Variants in SEPTIN12 observed in about 807,000 individuals in gnomAD.
The protein encoded by SEPTIN12 is septin 12, also known as septin-12.
In SEPTIN12, 42 loss-of-function variants were observed where a neutral mutation model predicts 37.7. The observed-to-expected ratio is 1.11, with a 90% confidence interval of 0.87 to 1.44. SEPTIN12 has a LOEUF of 1.44. SEPTIN12 is among the 40% of genes most tolerant of loss of function. SEPTIN12 has a pLI of 0.00. For missense variants in SEPTIN12, 613 were observed against 479.2 expected (o/e 1.28, Z -2.61); for synonymous variants, 254 against 196.7 (o/e 1.29, Z -2.44).
rs774035898 is a variant in SEPTIN12, at chr16:4,783,654, G to T, written c.625C>A (p.Arg209Ser). The T allele has an allele frequency of 8.1e-6, 13 of 1,613,588 alleles. No homozygotes were observed. The African/African-American group carries it at 1.1e-4, about 13-fold the overall frequency. Residue 209 changes from arginine (R) to serine (S), a missense_variant, in exon 6 of 10, where the codon CGC becomes AGC. Physicochemically the swap from Arg to Ser is moderately radical, Grantham distance 110 (BLOSUM62 -1). Coordinates refer to ENST00000268231, the MANE Select transcript of SEPTIN12 (RefSeq NM_144605.5). ...LTMEEREAFRRRIQQNLRTHC... is the reference protein window; with the variant it reads ...LTMEEREAFRSRIQQNLRTHC... ...TGCCCGGGCATCCAGATCACCCTGCGCCTGAAGGCCTCTCGCTCCTCCATG... is the reference window on the plus strand; with the variant it reads ...TGCCCGGGCATCCAGATCACCCTGCTCCTGAAGGCCTCTCGCTCCTCCATG...
Position 4,778,157 on chromosome 16 carries a change from G to C in SEPTIN12, c.824-20C>G. On this transcript the variant is annotated intron_variant, in intron 8 of 9. Transcript: ENST00000268231. ...TCTCCACTGCAAGACATGGGACTCA[G>C]TATGGGCGCTGCTTAGTGAGCACTG... 2 of 1,613,982 alleles carry C rather than the reference G, an allele frequency of 1.2e-6. No homozygotes were observed. Among genetic ancestry groups the C allele is most frequent in the Non-Finnish European group, 1.7e-6 (2 of 1,179,856 alleles).
rs1450187847 is a variant in SEPTIN12, at chr16:4,777,795, G to A, written c.*2C>T. The A allele has an allele frequency of 1.3e-6, 2 of 1,541,448 alleles. No homozygotes were observed. Among genetic ancestry groups the A allele is most frequent in the African/African-American group, 1.4e-5 (1 of 73,520 alleles). ...CCCAGCAGCCCCGGGATCCGCCGGT[G>A]GTCAGAACTCATCATCAGAATCGTC... On this transcript the variant is annotated 3_prime_UTR_variant, in exon 10 of 10. Coordinates refer to ENST00000268231, the MANE Select transcript of SEPTIN12 (RefSeq NM_144605.5).
intron 7 of SEPTIN12, among the ~76,000 whole-genome samples, chr16:4,783,118 A>AG (rs2082390458): frequency 6.6e-6 from 1 of 152,082 alleles, no homozygotes. Context: ...CATGTTGGCC[A>AG]GGCTGGTCTC....
chr16:4,779,160 A>G (rs1300954582), intron 8 of SEPTIN12, among the ~76,000 whole-genome samples: 2 of 152,112 alleles, frequency 1.3e-5, no homozygotes, highest in Non-Finnish European at 2.9e-5. Flanking sequence ...ATAAAAAATA[A>G]TAATAATACA....
Position 4,778,008 on chromosome 16 carries a change from C to G in SEPTIN12, c.876-10G>C. On this transcript the variant is annotated splice_polypyrimidine_tract_variant and intron_variant, in intron 9 of 9. Coordinates refer to ENST00000268231, the MANE Select transcript of SEPTIN12 (RefSeq NM_144605.5). Reference sequence around the variant, plus strand: ...GTCTTGGAGGTGGGAGCTGGGGGACCGGAGACGGTCAGCCCCGATGGTGGT... The same window carrying G: ...GTCTTGGAGGTGGGAGCTGGGGGACGGGAGACGGTCAGCCCCGATGGTGGT... 6.2e-7 allele frequency: 1 copy of G among 1,611,968 alleles called. No homozygotes were observed. Among genetic ancestry groups the G allele is most frequent in the Non-Finnish European group, 8.5e-7 (1 of 1,178,978 alleles).
intron 7 of SEPTIN12, among the ~76,000 whole-genome samples, chr16:4,781,982 A>C (rs2082377324): frequency 2.1e-5 from 2 of 95,124 alleles, no homozygotes; most frequent in Admixed American, 3.3e-4. Context: ...ACAGGGTCTC[A>C]CTCCCTTGCC....
At chr16:4,784,838 G>A (rs1003628470) in intron 4 of SEPTIN12, among the ~76,000 whole-genome samples, 4 of 152,000 alleles carry the variant, frequency 2.6e-5, no homozygotes, top group African/African-American at 9.7e-5. Flanking sequence ...GGCCAGGTGC[G>A]GTGGCTTATG....
intron 1 of SEPTIN12, 48 bp from the exon 2 acceptor site, chr16:4,787,715 G>C (rs2082481490): frequency 3.8e-6 from 3 of 784,410 alleles, no homozygotes; most frequent in Non-Finnish European, 6.2e-6. Flanking sequence ...GCTCAGAGGA[G>C]CCCACATTGA....
At chr16:4,783,618 G>A in intron 6 of SEPTIN12, 31 bp downstream of exon 6, 2 of 1,611,464 alleles carry the variant, frequency 1.2e-6, no homozygotes, top group Non-Finnish European at 1.7e-6. Context: ...TGCCCCCGCT[G>A]ACCCCAGCCC....
Position 4,787,473 on chromosome 16 carries a change from C to T in SEPTIN12, c.166+7G>A. The T allele has an allele frequency of 6.2e-7, 1 of 1,611,932 alleles. No individual in the cohort carries two copies. The highest frequency in any genetic ancestry group is 8.5e-7 in the Non-Finnish European group (1 of 1,179,804). On this transcript the variant is annotated splice_region_variant and intron_variant, in intron 2 of 9. Coordinates refer to ENST00000268231, the MANE Select transcript of SEPTIN12 (RefSeq NM_144605.5). Reference sequence around the variant, plus strand: ...CTGTCCTGCCGTGGGCCCTACCTCTCACTCACCCACCACCATGATGTTGAA... The same window carrying T: ...CTGTCCTGCCGTGGGCCCTACCTCTTACTCACCCACCACCATGATGTTGAA...
In SEPTIN12 at chr16:4,777,803, CTCA is replaced by C; in HGVS notation, c.1068_1070del (p.Asp356del). On this transcript the variant is annotated inframe_deletion, in exon 10 of 10. Transcript: ENST00000268231. ...CCCCGGGATCCGCCGGTGGTCAGAA[CTCA>C]TCATCAGAATCGTCATGGGCCCCCC... is the stretch of plus-strand genomic sequence containing the variant. 6.4e-7 allele frequency: 1 copy of C among 1,555,748 alleles called. No individual in the cohort carries two copies. Among genetic ancestry groups the C allele is most frequent in the Non-Finnish European group, 8.7e-7 (1 of 1,151,154 alleles).
intron 5 of SEPTIN12, 66 bp downstream of exon 5, chr16:4,783,865 G>A: frequency 1.9e-6 from 3 of 1,607,624 alleles, no homozygotes; most frequent in East Asian, 2.2e-5. Flanking sequence ...GCCCATGGTG[G>A]GGACCCCTTC....
rs1230622667 is a variant in SEPTIN12, at chr16:4,777,780, C to A, written c.*17G>T. Reference sequence around the variant, plus strand: ...TGGGGACTCAGGAAGCCCAGCAGCCCCGGGATCCGCCGGTGGTCAGAACTC... The same window carrying A: ...TGGGGACTCAGGAAGCCCAGCAGCCACGGGATCCGCCGGTGGTCAGAACTC... On this transcript the variant is annotated 3_prime_UTR_variant, in exon 10 of 10. Coordinates refer to ENST00000268231, the MANE Select transcript of SEPTIN12 (RefSeq NM_144605.5). 1 of 1,492,654 alleles carries A rather than the reference C, an allele frequency of 6.7e-7. No homozygotes were observed. The allele number at this position is 1,492,654 out of a possible 1,614,324, so 92.5% of individuals were successfully genotyped here. A position where few individuals can be genotyped will look rare whatever the true frequency, so the allele number is the denominator to read the frequency against.
In SEPTIN12 at chr16:4,784,026, C is replaced by T. The variant is rs2082405336; in HGVS notation, c.417G>A (p.Gln139=). The T allele has an allele frequency of 2.5e-6, 4 of 1,614,060 alleles. No individual in the cohort carries two copies. In the South Asian group the frequency reaches 3.3e-5, roughly 13 times the overall value. Residue 139 remains glutamine, a synonymous_variant, in exon 5 of 10, where the codon CAG becomes CAA. Transcript: ENST00000268231. ...TGATGAGGATCTCCTCCTGCAGGTACTGCTCGTATTGCTCGTTGATGTAGC... is the reference window on the plus strand; with the variant it reads ...TGATGAGGATCTCCTCCTGCAGGTATTGCTCGTATTGCTCGTTGATGTAGC... ...ILGYINEQYE[Q]YLQEEILITR...
intron 2 of SEPTIN12, among the ~76,000 whole-genome samples, chr16:4,786,801 A>G (rs114067397): frequency 2.0e-5 from 3 of 152,044 alleles, no homozygotes; most frequent in African/African-American, 7.2e-5. Context: ...GCATGTCACC[A>G]TGCCTGGCTA....
At chr16:4,785,512 G>A (rs2082427212) in intron 4 of SEPTIN12, among the ~76,000 whole-genome samples, 1 of 151,940 alleles carries the variant, frequency 6.6e-6, no homozygotes, top group Non-Finnish European at 1.5e-5. Context: ...AGTGGCTCAT[G>A]CCTGTAATCC....
chr16:4,778,752 A>G (rs763257532), intron 8 of SEPTIN12, among the ~76,000 whole-genome samples: 8 of 151,960 alleles, frequency 5.3e-5, no homozygotes, highest in Non-Finnish European at 1.2e-4. Flanking sequence ...GTGAGCCAAG[A>G]TCGCTCCACT....
intron 2 of SEPTIN12, 111 bp from the exon 3 acceptor site, chr16:4,786,216 C>A: frequency 7.3e-7 from 1 of 1,360,966 alleles, no homozygotes; most frequent in South Asian, 1.5e-5. Context: ...CTCTGTCACC[C>A]AGGCTGGAGT....
intron 4 of SEPTIN12, among the ~76,000 whole-genome samples, chr16:4,784,769 CTAAATAAATAAA>C (rs55943515): frequency 0.071 from 9,681 of 136,268 alleles, 1,126 homozygotes; most frequent in African/African-American, 0.25. Flanking sequence ...GACACTGTCT[CTAAATAAATAAA>C]TAAATAAATA....
Sources: allele counts gnomAD v4.1 joint callset (sites outside exome capture counted in the v4.1 genomes callset), GRCh38; gene constraint gnomAD v4.1.1; transcripts MANE v1.5; gene names NCBI Gene and HGNC (gene_info 2026-07-23, HGNC 2026-07-21).